The following MACROD2 variants were observed in gnomAD, a reference collection of about 807,000 sequenced individuals.
The protein encoded by MACROD2 is mono-ADP ribosylhydrolase 2.
MACROD2 carries 36 observed loss-of-function variants against 70.4 expected under a neutral mutation model. That is an observed-to-expected ratio of 0.51 (90% CI 0.39 to 0.68). MACROD2 has a LOEUF of 0.68. MACROD2 is among the 30% of genes least tolerant of loss of function. The probability of loss-of-function intolerance (pLI) is 0.00; values close to 1 mark genes in which losing one functional copy is unlikely to be tolerated. For synonymous variants in MACROD2, 172 were observed against 178.8 expected (o/e 0.96, Z 0.30); for missense variants, 496 against 538.4 (o/e 0.92, Z 0.78).
chr20:15,572,981 A>C (rs2146630025), intron 8 of MACROD2, among the ~76,000 whole-genome samples: 1 of 152,300 alleles, frequency 6.6e-6, no homozygotes, highest in South Asian at 2.1e-4. Context: ...ATTACCAATA[A>C]ATTGAAAAGT....
At chr20:15,497,924 T>C (rs904666913) in intron 7 of MACROD2, among the ~76,000 whole-genome samples, 3 of 152,206 alleles carry the variant, frequency 2.0e-5, no homozygotes, top group Non-Finnish European at 4.4e-5. Context: ...ATGACATAGC[T>C]ACTCGTGTGG....
intron 13 of MACROD2, among the ~76,000 whole-genome samples, chr20:15,968,430 ATAAAC>A (rs1218693695): frequency 1.3e-5 from 2 of 152,158 alleles, no homozygotes; most frequent in African/African-American, 4.8e-5. Flanking sequence ...CCCTTTCTGA[ATAAAC>A]TAACAGAAGG....
intron 5 of MACROD2, among the ~76,000 whole-genome samples, chr20:15,171,147 T>C (rs971422319): frequency 6.6e-6 from 1 of 152,110 alleles, no homozygotes; most frequent in Non-Finnish European, 1.5e-5. Context: ...ATCACTTAAG[T>C]TCGAGGTTTC....
At chr20:15,860,049 C>T (rs1462265171) in intron 8 of MACROD2, among the ~76,000 whole-genome samples, 1 of 152,114 alleles carries the variant, frequency 6.6e-6, no homozygotes, top group East Asian at 1.9e-4. Flanking sequence ...GCAAGAGAAT[C>T]ACTTGAACCT....
intron 5 of MACROD2, among the ~76,000 whole-genome samples, chr20:15,128,097 A>C (rs2076079409): frequency 6.6e-6 from 1 of 152,076 alleles, no homozygotes; most frequent in African/African-American, 2.4e-5. Flanking sequence ...TTTTAACTGA[A>C]GTTGGGTGTC....
chr20:16,003,620 C>T (rs1387541619), intron 15 of MACROD2, among the ~76,000 whole-genome samples: 1 of 152,068 alleles, frequency 6.6e-6, no homozygotes, highest in African/African-American at 2.4e-5. Context: ...CTTTCAGTGC[C>T]CTATCCCTCA....
At chr20:14,456,316 C>T (rs950651010) in intron 3 of MACROD2, among the ~76,000 whole-genome samples, 4 of 151,740 alleles carry the variant, frequency 2.6e-5, no homozygotes, top group Admixed American at 6.5e-5. Flanking sequence ...GGTAGGAATG[C>T]CTTAATATGG....
chr20:14,641,501 A>G (rs1052963314), intron 4 of MACROD2, among the ~76,000 whole-genome samples: 3 of 152,212 alleles, frequency 2.0e-5, no homozygotes, highest in Admixed American at 6.5e-5. Context: ...GATCCATTGG[A>G]GTAATCACTA....
intron 3 of MACROD2, among the ~76,000 whole-genome samples, chr20:14,266,456 T>C (rs552873813): frequency 6.6e-6 from 1 of 152,150 alleles, no homozygotes; most frequent in African/African-American, 2.4e-5. Context: ...ATATTCTACA[T>C]ATTCTCTGAT....
intron 15 of MACROD2, among the ~76,000 whole-genome samples, chr20:16,035,284 T>G (rs1397851642): frequency 1.3e-5 from 2 of 150,408 alleles, no homozygotes; most frequent in Admixed American, 1.3e-4. Context: ...TCCACGATTT[T>G]GCAGTTGTGA....
chr20:14,675,109 A>G (rs2070843686), intron 4 of MACROD2, among the ~76,000 whole-genome samples: 1 of 152,172 alleles, frequency 6.6e-6, no homozygotes, highest in Non-Finnish European at 1.5e-5. Context: ...GGGAGAATAG[A>G]ACCAAGTTGG....
chr20:14,830,379 T>C (rs2072951233), intron 5 of MACROD2, among the ~76,000 whole-genome samples: 1 of 152,172 alleles, frequency 6.6e-6, no homozygotes, highest in African/African-American at 2.4e-5. Flanking sequence ...AGTTTCTTAG[T>C]GATGGCATCT....
chr20:14,483,287 C>T (rs1242884789), intron 3 of MACROD2, among the ~76,000 whole-genome samples: 1 of 152,148 alleles, frequency 6.6e-6, no homozygotes, highest in African/African-American at 2.4e-5. Context: ...ATCATGGGGA[C>T]ATGATATTTA....
intron 2 of MACROD2, among the ~76,000 whole-genome samples, chr20:14,051,517 A>C (rs1210931151): frequency 6.6e-6 from 1 of 152,122 alleles, no homozygotes; most frequent in African/African-American, 2.4e-5. Context: ...TGAGGGTGTG[A>C]CTGATAATTT....
chr20:14,721,350 A>G (rs1318938285), intron 5 of MACROD2, among the ~76,000 whole-genome samples: 1 of 152,032 alleles, frequency 6.6e-6, no homozygotes, highest in Non-Finnish European at 1.5e-5. Flanking sequence ...ATTTGGCATA[A>G]TTATAAATTG....
chr20:14,580,477 C>T (rs1980937810), intron 4 of MACROD2, among the ~76,000 whole-genome samples: 1 of 151,784 alleles, frequency 6.6e-6, no homozygotes. Context: ...TTATCATTCT[C>T]AATATAAAAT....
chr20:15,080,115 C>CAAATAAATAAAT (rs11467492), intron 5 of MACROD2, among the ~76,000 whole-genome samples: 55 of 143,358 alleles, frequency 3.8e-4, no homozygotes, highest in Non-Finnish European at 5.3e-4. Context: ...ACAGAACAGC[C>CAAATAAATAAAT]AAATAAATAA....
At chr20:15,806,571 A>T (rs1206783197) in intron 8 of MACROD2, among the ~76,000 whole-genome samples, 2 of 152,118 alleles carry the variant, frequency 1.3e-5, no homozygotes, top group East Asian at 3.8e-4. Context: ...TAACTGAGGA[A>T]GCATTTCACA....
intron 5 of MACROD2, among the ~76,000 whole-genome samples, chr20:14,985,630 TA>T (rs1319555439): frequency 1.3e-5 from 2 of 151,350 alleles, no homozygotes; most frequent in Non-Finnish European, 2.9e-5. Flanking sequence ...GCTAATGGAG[TA>T]GACATTGGTG....
Sources: allele counts gnomAD v4.1 joint callset (sites outside exome capture counted in the v4.1 genomes callset), GRCh38; gene constraint gnomAD v4.1.1; transcripts MANE v1.5; gene names NCBI Gene and HGNC (gene_info 2026-07-23, HGNC 2026-07-21).